The following DMC1 variants were observed in gnomAD, a reference collection of about 807,000 sequenced individuals.
DMC1 encodes DNA meiotic recombinase 1.
In DMC1, 27 loss-of-function variants were observed where a neutral mutation model predicts 50.1. That is an observed-to-expected ratio of 0.54 (90% CI 0.40 to 0.74). The LOEUF is 0.74. DMC1 is among the 30% of genes least tolerant of loss of function. DMC1 has a pLI of 0.00. For synonymous variants in DMC1, 148 were observed against 136.1 expected, an observed-to-expected ratio of 1.09 and a Z score of -0.61; for missense variants, 295 against 420.2, an observed-to-expected ratio of 0.70 and a Z score of 2.60.
At chr22:38,562,437 C>T (rs2090537743) in intron 4 of DMC1, 68 bp from the exon 5 acceptor site, 44 of 1,094,134 alleles carry the variant, frequency 4.0e-5, no homozygotes, top group Non-Finnish European at 3.4e-5. Context: ...CAAATGTTGC[C>T]CAAAATGATA....
chr22:38,528,421 C>G (rs1482503748), intron 12 of DMC1, among the ~76,000 whole-genome samples: 1 of 151,990 alleles, frequency 6.6e-6, no homozygotes, highest in Non-Finnish European at 1.5e-5. Flanking sequence ...TACCTGTTCA[C>G]TTACATACAT....
chr22:38,527,133 G>A (rs2090100495), intron 12 of DMC1, among the ~76,000 whole-genome samples: 1 of 152,118 alleles, frequency 6.6e-6, no homozygotes, highest in Admixed American at 6.6e-5. Context: ...TTAGACCTGA[G>A]TTCAAATTCT....
Position 38,537,603 on chromosome 22 carries a change from T to G in DMC1, c.825A>C (p.Gly275=), listed in dbSNP as rs202242059. Residue 275 remains glycine, a synonymous_variant, in exon 12 of 14, where the codon GGA becomes GGC. Transcript: ENST00000216024. ...FVTNQMTADP[G]ATMTFQADPK... ...ATATTGGGGCTTACGTCATAGTTGC[T>G]CCTGGATCGGCAGTCATTTGATTGG... is the stretch of plus-strand genomic sequence containing the variant. The G allele has an allele frequency of 1.9e-6, 3 of 1,613,874 alleles. No individual in the cohort carries two copies. In the East Asian group the frequency reaches 6.7e-5, roughly 36 times the overall value.
At chr22:38,568,100 G>T in intron 2 of DMC1, 106 bp downstream of exon 2, 2 of 985,714 alleles carry the variant, frequency 2.0e-6, no homozygotes, top group Non-Finnish European at 3.2e-6. Flanking sequence ...ATATAACTAT[G>T]TGTTATTTCT....
Position 38,541,297 on chromosome 22 carries a change from A to G in DMC1, c.495-1885T>C, listed in dbSNP as rs559572577. ...CACTTATATATTTTTAAAAATTTTT[A>G]TTTTATTTTTTTGAGATGGAGTCTC... On this transcript the variant is annotated intron_variant, in intron 8 of 13. Coordinates refer to ENST00000216024, the MANE Select transcript of DMC1 (RefSeq NM_007068.4). Among the ~76,000 whole-genome samples, 601 of 152,124 alleles carry G rather than the reference A, an allele frequency of 4.0e-3. 7 individuals are homozygous for G. The highest frequency in any genetic ancestry group is 3.4e-3 in the Middle Eastern group (1 of 294).
At chr22:38,548,654 A>G (rs558846204) in intron 8 of DMC1, among the ~76,000 whole-genome samples, 2 of 152,172 alleles carry the variant, frequency 1.3e-5, no homozygotes, top group African/African-American at 4.8e-5. Context: ...TGGGTGGATC[A>G]CTTGAGGTCA....
intron 8 of DMC1, among the ~76,000 whole-genome samples, chr22:38,546,989 G>T (rs907507495): frequency 6.6e-6 from 1 of 152,176 alleles, no homozygotes; most frequent in African/African-American, 2.4e-5. Context: ...CATCTGGGAT[G>T]CAAGAAACCA....
rs747086798 is a variant in DMC1, at chr22:38,549,938, T to C, written c.481A>G (p.Thr161Ala). The C allele has an allele frequency of 6.2e-7, 1 of 1,612,530 alleles. No homozygotes were observed. Among genetic ancestry groups the C allele is most frequent in the African/African-American group, 1.3e-5 (1 of 74,898 alleles). Residue 161 changes from threonine to alanine, a missense_variant, in exon 8 of 14, where the codon ACA becomes GCA. By Grantham distance (58) the Thr-to-Ala change is moderately conservative (BLOSUM62 0). Coordinates refer to ENST00000216024, the MANE Select transcript of DMC1 (RefSeq NM_007068.4). ...TAAAAAGGTTACAAAGTATTTTCTG[T>C]ATCAATGAAGATAATCTTTCCTCCT... ...YPGGKIIFID[T>A]ENTFRPDRLR...
At chr22:38,536,525 G>A (rs1403920912) in intron 12 of DMC1, among the ~76,000 whole-genome samples, 1 of 152,132 alleles carries the variant, frequency 6.6e-6, no homozygotes. Flanking sequence ...TATGCCTAGT[G>A]TGAACTGAAA....
chr22:38,517,924 C>A (rs1167000485), downstream of DMC1, among the ~76,000 whole-genome samples: 2 of 152,098 alleles, frequency 1.3e-5, no homozygotes, highest in Non-Finnish European at 2.9e-5. Context: ...AGCTCCTATA[C>A]CTTTGCAGTC....
chr22:38,529,254 C>G (rs2090129769), intron 12 of DMC1, among the ~76,000 whole-genome samples: 2 of 152,128 alleles, frequency 1.3e-5, no homozygotes, highest in Admixed American at 6.6e-5. Flanking sequence ...CATGATCCAC[C>G]TGCCTCGGCC....
At chr22:38,543,027 A>G (rs571448699) in intron 8 of DMC1, among the ~76,000 whole-genome samples, 2 of 152,286 alleles carry the variant, frequency 1.3e-5, no homozygotes, top group Admixed American at 6.5e-5. Flanking sequence ...TTAGACCCCT[A>G]TCTCTCACCA....
At chr22:38,515,002 G>A (rs2089966661), downstream of DMC1, among the ~76,000 whole-genome samples, 1 of 149,282 alleles carries the variant, frequency 6.7e-6, no homozygotes, top group Admixed American at 6.7e-5. Flanking sequence ...CGAGTAGCTG[G>A]GACTACAGGT....
At chr22:38,533,451 C>T (rs576735339) in intron 12 of DMC1, among the ~76,000 whole-genome samples, 4 of 148,344 alleles carry the variant, frequency 2.7e-5, no homozygotes, top group South Asian at 2.1e-4. Flanking sequence ...TATCAAACTG[C>T]GAAAGATGAA....
intron 8 of DMC1, among the ~76,000 whole-genome samples, chr22:38,543,228 T>C (rs1314108525): frequency 6.6e-6 from 1 of 151,088 alleles, no homozygotes; most frequent in Admixed American, 6.6e-5. Context: ...AGCCTGTAAA[T>C]TGTTTTTTTT....
rs577119387 is a variant in DMC1, at chr22:38,550,603, C to T, written c.422-606G>A. 1.2e-3 allele frequency among the ~76,000 whole-genome samples: 178 copies of T among 150,390 alleles called. No homozygotes were observed. The Middle Eastern group carries it at 0.014, about 12-fold the overall frequency. On this transcript the variant is annotated intron_variant, in intron 7 of 13. Coordinates refer to ENST00000216024, the MANE Select transcript of DMC1 (RefSeq NM_007068.4). ...CTGGGATTACAGGCTTGAGCCACCG[C>T]GCCCAACCTACTAACTTTCTTTCTA...
chr22:38,549,869 G>T, intron 8 of DMC1, 56 bp downstream of exon 8: 1 of 1,313,728 alleles, frequency 7.6e-7, no homozygotes. Flanking sequence ...AAACTCTTCA[G>T]TGGTAACATT....
At chr22:38,512,810 G>A in the DMC1 span, among the ~76,000 whole-genome samples, 4 of 152,124 alleles carry the variant, frequency 2.6e-5, no homozygotes, top group Non-Finnish European at 5.9e-5. Context: ...GGGGCTGAGC[G>A]TGGTGACTCA....
intron 5 of DMC1, among the ~76,000 whole-genome samples, chr22:38,561,704 G>C (rs2090529392): frequency 6.6e-6 from 1 of 152,110 alleles, no homozygotes; most frequent in South Asian, 2.1e-4. Context: ...CCAGCATTTT[G>C]AGAAATACTT....
Sources: allele counts gnomAD v4.1 joint callset (sites outside exome capture counted in the v4.1 genomes callset), GRCh38; gene constraint gnomAD v4.1.1; transcripts MANE v1.5; gene names NCBI Gene and HGNC (gene_info 2026-07-23, HGNC 2026-07-21).